Variants in KIAA1217 observed in about 807,000 individuals in gnomAD.
KIAA1217 encodes the protein KIAA1217.
KIAA1217 carries 88 observed loss-of-function variants against 163.9 expected under a neutral mutation model. The observed-to-expected ratio is 0.54, with a 90% confidence interval of 0.45 to 0.64. The LOEUF is 0.64. KIAA1217 is among the 30% of genes least tolerant of loss of function. The pLI is 0.00. For synonymous variants in KIAA1217, 903 were observed against 923.1 expected (o/e 0.98, Z 0.39); for missense variants, 2,372 against 2,475.0 (o/e 0.96, Z 0.88).
chr10:24,171,532 C>T (rs991786529), intron 2 of KIAA1217, among the ~76,000 whole-genome samples: 2 of 152,254 alleles, frequency 1.3e-5, no homozygotes, highest in African/African-American at 2.4e-5. Flanking sequence ...CGGCTGGGCA[C>T]GGTGGCTCAC....
intron 1 of KIAA1217, among the ~76,000 whole-genome samples, chr10:24,218,511 C>T (rs796275276): frequency 2.7e-5 from 4 of 149,952 alleles, no homozygotes; most frequent in African/African-American, 7.4e-5. Context: ...TCTTTTGAGA[C>T]GGAGTCTTGC....
chr10:23,774,829 G>A (rs1339843261), intron 1 of KIAA1217, among the ~76,000 whole-genome samples: 1 of 152,190 alleles, frequency 6.6e-6, no homozygotes, highest in Non-Finnish European at 1.5e-5. Flanking sequence ...AGTTCTTTAA[G>A]AAGTTATATT....
chr10:23,858,480 T>G (rs1157878812), intron 1 of KIAA1217, among the ~76,000 whole-genome samples: 1 of 152,086 alleles, frequency 6.6e-6, no homozygotes, highest in African/African-American at 2.4e-5. Context: ...TGTATATACA[T>G]ACATATAAAT....
chr10:24,388,374 G>A (rs540817143), intron 3 of KIAA1217, among the ~76,000 whole-genome samples: 42 of 152,268 alleles, frequency 2.8e-4, no homozygotes, highest in African/African-American at 8.4e-4. Flanking sequence ...AGCTGAAACT[G>A]GATCCCTTCC....
intron 1 of KIAA1217, among the ~76,000 whole-genome samples, chr10:24,215,316 G>A (rs999363422): frequency 1.3e-4 from 20 of 152,170 alleles, no homozygotes; most frequent in South Asian, 2.1e-4. Context: ...AGGGAAACAG[G>A]ACTGCCTTTC....
chr10:24,464,499 T>A (rs77572951), intron 5 of KIAA1217, among the ~76,000 whole-genome samples: 19 of 152,040 alleles, frequency 1.2e-4, no homozygotes, highest in African/African-American at 4.3e-4. Context: ...TTGCTTTTTT[T>A]TGGAGCCAGG....
At chr10:23,756,938 T>C (rs10828541) in intron 1 of KIAA1217, among the ~76,000 whole-genome samples, 50,045 of 152,102 alleles carry the variant, frequency 0.33, 9,851 homozygotes, top group African/African-American at 0.55. Flanking sequence ...ATTTCTATTA[T>C]GCTAAGTGCC....
At chr10:23,770,349 G>A (rs937494149) in intron 1 of KIAA1217, among the ~76,000 whole-genome samples, 1 of 152,146 alleles carries the variant, frequency 6.6e-6, no homozygotes, top group Non-Finnish European at 1.5e-5. Context: ...TGCTATCTCT[G>A]TTGTTTAGGC....
intron 2 of KIAA1217, among the ~76,000 whole-genome samples, chr10:24,165,320 A>T (rs570004703): frequency 3.9e-5 from 6 of 152,064 alleles, no homozygotes; most frequent in African/African-American, 1.4e-4. Context: ...CTGACCTCTC[A>T]CCTCCAGGAA....
chr10:24,409,782 ATC>A (rs2131300541), intron 3 of KIAA1217, among the ~76,000 whole-genome samples: 1 of 152,028 alleles, frequency 6.6e-6, no homozygotes, highest in Non-Finnish European at 1.5e-5. Flanking sequence ...AGTCCACTCT[ATC>A]ATTCTTATGC....
At chr10:23,773,462 A>T (rs560947908) in intron 1 of KIAA1217, among the ~76,000 whole-genome samples, 1 of 151,534 alleles carries the variant, frequency 6.6e-6, no homozygotes, top group East Asian at 1.9e-4. Flanking sequence ...TTTTGGTTCC[A>T]TATGAACTTT....
At chr10:23,985,384 G>A (rs1028501136) in intron 1 of KIAA1217, among the ~76,000 whole-genome samples, 4 of 152,108 alleles carry the variant, frequency 2.6e-5, no homozygotes, top group African/African-American at 9.7e-5. Flanking sequence ...CTTTGCCAGA[G>A]GAACTAACTC....
At chr10:24,110,351 G>C (rs1353709648) in intron 2 of KIAA1217, among the ~76,000 whole-genome samples, 3 of 152,064 alleles carry the variant, frequency 2.0e-5, no homozygotes, top group Admixed American at 2.0e-4. Flanking sequence ...GCCAAAAATA[G>C]TAAAAAAATG....
chr10:24,159,354 A>T (rs2065015286), intron 2 of KIAA1217, among the ~76,000 whole-genome samples: 1 of 152,234 alleles, frequency 6.6e-6, no homozygotes, highest in Admixed American at 6.5e-5. Flanking sequence ...TTTAAAAAGA[A>T]TATAAAATGG....
chr10:24,355,684 C>T (rs775151379), intron 2 of KIAA1217, among the ~76,000 whole-genome samples: 2 of 140,956 alleles, frequency 1.4e-5, no homozygotes, highest in Admixed American at 7.2e-5. Flanking sequence ...GGTCTTCTGT[C>T]GCCACAGCTG....
rs568858331 is a variant in KIAA1217, at chr10:24,262,354, G to A, written c.354+42445G>A. 5.9e-5 allele frequency among the ~76,000 whole-genome samples: 9 copies of A among 152,266 alleles called. No homozygotes were observed. In the South Asian group the frequency reaches 1.0e-3, roughly 18 times the overall value. On this transcript the variant is annotated intron_variant, in intron 2 of 20. Coordinates refer to ENST00000376454, the MANE Select transcript of KIAA1217 (RefSeq NM_019590.5). ...CTTTAAGAGTCAATATTGGCCGGGC[G>A]TGGTGGCTCACACCTGTAATCCCAG...
chr10:23,725,168 G>A (rs1372961329), intron 1 of KIAA1217, among the ~76,000 whole-genome samples: 1 of 152,138 alleles, frequency 6.6e-6, no homozygotes, highest in African/African-American at 2.4e-5. Context: ...ATGGACTCTT[G>A]TCATCCTGCC....
chr10:23,951,370 A>G (rs1316930918), intron 1 of KIAA1217, among the ~76,000 whole-genome samples: 2 of 152,204 alleles, frequency 1.3e-5, no homozygotes, highest in Non-Finnish European at 2.9e-5. Context: ...GATTGGCCCA[A>G]GGTTCCAGCT....
In KIAA1217 at chr10:24,196,665, T is replaced by C. The variant is rs140748332; in HGVS notation, c.-170-22961T>C. ...AAACAGGGGTTTGCGTTCCTGCTGG[T>C]GACAGTTGCGTCCCCTTGGACTTCT... On this transcript the variant is annotated intron_variant, in intron 2 of 18. Coordinates refer to the KIAA1217 transcript ENST00000376462. 3.1e-3 allele frequency among the ~76,000 whole-genome samples: 465 copies of C among 152,336 alleles called. 3 individuals are homozygous for C. The highest frequency in any genetic ancestry group is 0.011 in the African/African-American group (453 of 41,570).
Sources: gnomAD v4.1 joint callset for allele counts (sites outside exome capture counted in the v4.1 genomes callset) on GRCh38, gnomAD v4.1.1 for gene constraint, MANE v1.5 for transcripts, NCBI Gene and HGNC (gene_info 2026-07-23, HGNC 2026-07-21) for gene names.